The following DOK7 variants were observed in gnomAD, a reference collection of about 807,000 sequenced individuals.
The protein encoded by DOK7 is docking protein 7.
Under a neutral mutation model 30.7 loss-of-function variants are expected in DOK7, and 32 were observed. The observed-to-expected ratio is 1.04, with a 90% confidence interval of 0.79 to 1.40. The LOEUF (loss-of-function observed/expected upper bound fraction) is 1.40. Among genes scored for constraint, DOK7 ranks in the 40% most tolerant of loss-of-function variants. DOK7 has a pLI of 0.00. For synonymous variants in DOK7, 447 were observed against 324.1 expected, an observed-to-expected ratio of 1.38 and a Z score of -4.07; for missense variants, 1,007 against 699.2, an observed-to-expected ratio of 1.44 and a Z score of -4.97.
Position 3,485,634 on chromosome 4 carries a change from T to C in DOK7, c.628T>C (p.Phe210Leu), listed in dbSNP as rs1264830638. 3.1e-6 allele frequency: 5 copies of C among 1,602,466 alleles called. No homozygotes were observed. The highest frequency in any genetic ancestry group is 1.7e-4 in the Middle Eastern group (1 of 6,038). ...AGGCATCTCCCCCACCAAGGGCCCC[T>C]TTGGGCTGCGGCCGGTTCTACCAGG... is the stretch of plus-strand genomic sequence containing the variant. ...VRGISPTKGP[F>L]GLRPVLPDPS... is the part of the protein sequence containing the mutation. The change falls in exon 5 of 7, where the codon TTT becomes CTT. Residue 210 changes from phenylalanine (F) to leucine (L), a missense_variant. Physicochemically the swap from Phe to Leu is conservative, Grantham distance 22. Coordinates refer to ENST00000340083, the MANE Select transcript of DOK7 (RefSeq NM_173660.5).
chr4:3,474,081 C>G lies in DOK7; in HGVS notation c.331+445C>G, dbSNP rs187520247. Among the ~76,000 whole-genome samples, 698 of 152,220 alleles carry G rather than the reference C, an allele frequency of 4.6e-3. 5 individuals carry two copies. Among genetic ancestry groups the G allele is most frequent in the Middle Eastern group, 0.031 (9 of 294 alleles). ...AGGGGAGAGGGAGGGGAAGGGAGTG[C>G]TCCCCTGTGGAACTGGCCCTGGAAG... On this transcript the variant is annotated intron_variant, in intron 3 of 6. Coordinates refer to ENST00000340083, the MANE Select transcript of DOK7 (RefSeq NM_173660.5).
intron 2 of DOK7, among the ~76,000 whole-genome samples, chr4:3,466,404 G>A (rs958751459): frequency 6.6e-5 from 10 of 152,068 alleles, no homozygotes; most frequent in Non-Finnish European, 1.5e-4. Context: ...GTGCTGTCCT[G>A]GGGCCCTGCC....
In DOK7 at chr4:3,500,320, T is replaced by TGA; in HGVS notation, c.1179_1180dup (p.Asn394ArgfsTer168). On this transcript the variant is annotated frameshift_variant, in exon 7 of 8. Coordinates refer to the DOK7 transcript ENST00000643608. LOFTEE classifies it high-confidence loss of function. ...CCGCGCGGCGAGTCGCCCACTTACG[T>TGA]GAACATCCCCGTCAGCCCATCCTCC... 1 of 1,535,818 alleles carries TGA rather than the reference T, an allele frequency of 6.5e-7. No homozygotes were observed. The highest frequency in any genetic ancestry group is 1.4e-5 in the African/African-American group (1 of 73,070).
intron 6 of DOK7, among the ~76,000 whole-genome samples, 164 bp from the exon 7 acceptor site, chr4:3,492,595 T>C (rs1728549872): frequency 1.3e-5 from 2 of 151,334 alleles, no homozygotes; most frequent in Admixed American, 1.3e-4. Flanking sequence ...GAGGGGTTGT[T>C]GTTGGTGAAG....
rs139904065 is a variant in DOK7, at chr4:3,487,781, C to G, written c.653-1896C>G. Among the ~76,000 whole-genome samples the G allele has an allele frequency of 2.1e-3, 318 of 152,304 alleles. 1 individual carries two copies. Among genetic ancestry groups the G allele is most frequent in the Middle Eastern group, 0.01 (3 of 294 alleles). On this transcript the variant is annotated intron_variant, in intron 5 of 6. Transcript: ENST00000340083. ...GTGTCCTGCATCCTGACCCTGGTGTCACCGAGGGGCCACTCTCCGTCCCAC... is the reference window on the plus strand; with the variant it reads ...GTGTCCTGCATCCTGACCCTGGTGTGACCGAGGGGCCACTCTCCGTCCCAC...
At chr4:3,496,032 G>A (rs993604785), downstream of DOK7, among the ~76,000 whole-genome samples, 1 of 152,224 alleles carries the variant, frequency 6.6e-6, no homozygotes, top group Non-Finnish European at 1.5e-5. Flanking sequence ...CCTCAGAACA[G>A]GAGGGTGCTG....
chr4:3,479,248 C>A (rs1176036581), intron 4 of DOK7, among the ~76,000 whole-genome samples: 1 of 152,256 alleles, frequency 6.6e-6, no homozygotes, highest in East Asian at 1.9e-4. Flanking sequence ...CGTGAGCCTC[C>A]TCTTCAGTCT....
chr4:3,490,997 C>G (rs1198557901), intron 6 of DOK7, among the ~76,000 whole-genome samples: 2 of 94,020 alleles, frequency 2.1e-5, no homozygotes, highest in Non-Finnish European at 4.8e-5. Context: ...TCATTCATTC[C>G]TTCCTTCTTC....
chr4:3,495,623 G>A (rs947067458), downstream of DOK7, among the ~76,000 whole-genome samples: 2 of 152,224 alleles, frequency 1.3e-5, no homozygotes, highest in African/African-American at 2.4e-5. Flanking sequence ...CAGTTCCCAG[G>A]TGGGTGGCCA....
downstream of DOK7, among the ~76,000 whole-genome samples, chr4:3,498,823 G>A (rs1459946669): frequency 6.6e-6 from 1 of 152,254 alleles, no homozygotes; most frequent in African/African-American, 2.4e-5. Context: ...GCAGGAGGGG[G>A]GTCTCCCCAG....
chr4:3,490,498 T>TCCCCCCA (rs565212591), intron 6 of DOK7, among the ~76,000 whole-genome samples: 74 of 110,912 alleles, frequency 6.7e-4, no homozygotes, highest in Non-Finnish European at 1.1e-3. Context: ...TCCTTCCTTT[T>TCCCCCCA]CCCCCTGCTC....
At chr4:3,500,644 C>G (rs1241983659) in intron 7 of DOK7, 7 of 1,535,362 alleles carry the variant, frequency 4.6e-6, no homozygotes, top group Non-Finnish European at 6.1e-6. Context: ...GGTCACAGGG[C>G]TGGGTGGCTC....
chr4:3,490,591 C>CTTCTCTCCCTGCTCA (rs1560227444), intron 6 of DOK7, among the ~76,000 whole-genome samples: 3 of 121,538 alleles, frequency 2.5e-5, no homozygotes, highest in African/African-American at 3.3e-5. Flanking sequence ...CTGCTCATTC[C>CTTCTCTCCCTGCTCA]TTCATTTCTT....
chr4:3,493,928 T>C lies in DOK7; in HGVS notation c.*427T>C. The stretch of plus-strand genomic sequence containing the variant: ...TCTCCCCATCACCTCTCTGGGGCAG[T>C]CACACCACCTGTTAAGCATCAAGCT... On this transcript the variant is annotated 3_prime_UTR_variant, in exon 7 of 7. Transcript: ENST00000340083. 1 of 1,025,064 alleles carries C rather than the reference T, an allele frequency of 9.8e-7. No individual in the cohort carries two copies. Among genetic ancestry groups the C allele is most frequent in the Non-Finnish European group, 1.2e-6 (1 of 856,754 alleles). 63.5% of individuals were successfully genotyped at this position (1,025,064 alleles called of 1,614,324 possible). A position where few individuals can be genotyped will look rare whatever the true frequency, so the allele number is the denominator to read the frequency against.
intron 6 of DOK7, among the ~76,000 whole-genome samples, chr4:3,500,073 G>C (rs955054360): frequency 2.0e-5 from 3 of 152,042 alleles, no homozygotes; most frequent in Admixed American, 6.5e-5. Flanking sequence ...GCCTCAGGAT[G>C]GGGCAGCGCT....
chr4:3,490,948 T>C lies in DOK7; in HGVS notation c.772+1152T>C, dbSNP rs1244704222. 6.2e-5 allele frequency among the ~76,000 whole-genome samples: 9 copies of C among 144,590 alleles called. No homozygotes were observed. In the South Asian group the frequency reaches 9.3e-4, roughly 15 times the overall value. 94.9% of individuals were successfully genotyped at this position (144,590 alleles called of 152,430 possible). A position where few individuals can be genotyped will look rare whatever the true frequency, so the allele number is the denominator to read the frequency against. ...CCTTCCTTCTTCCCCTGCTCATTCA[T>C]TCCTTCTCCCCCTGCTCATTTCTTC... is the stretch of plus-strand genomic sequence containing the variant. On this transcript the variant is annotated intron_variant, in intron 6 of 6. Coordinates refer to ENST00000340083, the MANE Select transcript of DOK7 (RefSeq NM_173660.5).
intron 2 of DOK7, among the ~76,000 whole-genome samples, chr4:3,468,446 G>GTC (rs1726465634): frequency 1.5e-5 from 2 of 136,766 alleles, no homozygotes; most frequent in African/African-American, 2.9e-5. Flanking sequence ...ATGTACGAGT[G>GTC]TGTGCCTGTG....
At chr4:3,479,681 A>G (rs56391423) in intron 4 of DOK7, among the ~76,000 whole-genome samples, 42,134 of 152,178 alleles carry the variant, frequency 0.28, 6,011 homozygotes, top group South Asian at 0.39. Flanking sequence ...ATCCTGAGAC[A>G]CTGGGCGTGG....
At chr4:3,465,272 C>G (rs2109315722) in intron 2 of DOK7, among the ~76,000 whole-genome samples, 1 of 152,324 alleles carries the variant, frequency 6.6e-6, no homozygotes, top group East Asian at 1.9e-4. Context: ...GGCACCTCCT[C>G]TCCGCTCAGA....
Sources: allele counts gnomAD v4.1 joint callset (sites outside exome capture counted in the v4.1 genomes callset), GRCh38; gene constraint gnomAD v4.1.1; transcripts MANE v1.5; gene names NCBI Gene and HGNC (gene_info 2026-07-23, HGNC 2026-07-21).